The following DOK7 variants were observed in gnomAD, a reference collection of about 807,000 sequenced individuals.
The protein encoded by DOK7 is docking protein 7.
A neutral mutation model predicts 30.7 loss-of-function variants in DOK7; 32 were observed. That is an observed-to-expected ratio of 1.04 (90% CI 0.79 to 1.40). The LOEUF is 1.40. Ranked by LOEUF, DOK7 falls within the 40% of genes most tolerant of loss-of-function variation. The pLI is 0.00. For missense variants in DOK7, 1,007 were observed against 699.2 expected (o/e 1.44, Z -4.97); for synonymous variants, 447 against 324.1 (o/e 1.38, Z -4.07).
chr4:3,498,422 C>T (rs1479533014), downstream of DOK7, among the ~76,000 whole-genome samples: 1 of 152,168 alleles, frequency 6.6e-6, no homozygotes, highest in East Asian at 1.9e-4. Context: ...CCTGCTTCCA[C>T]CCTCACCCCT....
At chr4:3,478,699 C>T (rs12644455) in intron 4 of DOK7, among the ~76,000 whole-genome samples, 37,317 of 152,092 alleles carry the variant, frequency 0.25, 4,880 homozygotes, top group South Asian at 0.38. Context: ...CGGTCACCGA[C>T]GGCTGCACAC....
At chr4:3,491,728 T>C (rs1728476173) in intron 6 of DOK7, among the ~76,000 whole-genome samples, 1 of 152,178 alleles carries the variant, frequency 6.6e-6, no homozygotes, top group Admixed American at 6.5e-5. Flanking sequence ...GACAAAAGGC[T>C]CTAAGGCAGG....
chr4:3,468,044 C>A (rs1182662904), intron 2 of DOK7, among the ~76,000 whole-genome samples: 2 of 152,256 alleles, frequency 1.3e-5, no homozygotes, highest in South Asian at 2.1e-4. Flanking sequence ...GACCCCAGCA[C>A]TGAGTGCATG....
Position 3,463,492 on chromosome 4 carries a change from C to A in DOK7, c.55-14C>A. On this transcript the variant is annotated splice_polypyrimidine_tract_variant and intron_variant, in intron 1 of 6. Transcript: ENST00000340083. Reference sequence around the variant, plus strand: ...GGCGCGGGCGGCGGCTCACGCTCCCCCCTGTCCCCGCAGTGGAAGAGTAGG... The same window carrying A: ...GGCGCGGGCGGCGGCTCACGCTCCCACCTGTCCCCGCAGTGGAAGAGTAGG... 6.6e-7 allele frequency: 1 copy of A among 1,511,450 alleles called. No individual in the cohort carries two copies. The highest frequency in any genetic ancestry group is 8.8e-7 in the Non-Finnish European group (1 of 1,134,754). The allele number at this position is 1,511,450 out of a possible 1,614,324, so 93.6% of individuals were successfully genotyped here.
chr4:3,476,336 C>G lies in DOK7; in HGVS notation c.332-6C>G, dbSNP rs1482072459. On this transcript the variant is annotated splice_region_variant and splice_polypyrimidine_tract_variant and intron_variant, in intron 3 of 6. Coordinates refer to ENST00000340083, the MANE Select transcript of DOK7 (RefSeq NM_173660.5). ...CGTGATGCCCTCTTGCCCCGCCTGCCCGCAGTGCATAGGTTCCATGTGACA... is the reference window on the plus strand; with the variant it reads ...CGTGATGCCCTCTTGCCCCGCCTGCGCGCAGTGCATAGGTTCCATGTGACA... The G allele has an allele frequency of 2.0e-5, 32 of 1,610,598 alleles. 1 individual carries two copies. The highest frequency in any genetic ancestry group is 2.7e-5 in the African/African-American group (2 of 74,348).
At chr4:3,494,497 T>G, downstream of DOK7, 5 of 985,534 alleles carry the variant, frequency 5.1e-6, no homozygotes, top group Non-Finnish European at 6.0e-6. Flanking sequence ...CTTGTCCTAG[T>G]CCGTTGCCCA....
intron 6 of DOK7, among the ~76,000 whole-genome samples, chr4:3,492,407 C>A (rs887204374): frequency 8.3e-6 from 1 of 119,994 alleles, no homozygotes; most frequent in Admixed American, 9.6e-5. Context: ...GGAAGGTAGT[C>A]GGGATGGCTG....
intron 6 of DOK7, among the ~76,000 whole-genome samples, chr4:3,490,037 CT>C (rs1488803674): frequency 5.9e-4 from 86 of 145,626 alleles, no homozygotes; most frequent in African/African-American, 1.7e-3. Context: ...TTCCTTCCTT[CT>C]TCCTCCTACT....
chr4:3,498,561 T>C (rs1451766364), downstream of DOK7, among the ~76,000 whole-genome samples: 1 of 152,092 alleles, frequency 6.6e-6, no homozygotes, highest in East Asian at 1.9e-4. Context: ...CAAGGCCCCC[T>C]TTCCAGACGC....
intron 6 of DOK7, among the ~76,000 whole-genome samples, chr4:3,490,111 C>CATTCATTCCTTTCTTCTCCCCCTT (rs1553848872): frequency 4.2e-5 from 1 of 23,778 alleles, no homozygotes; most frequent in African/African-American, 2.4e-4. Context: ...TCTTCACCCC[C>CATTCATTCCTTTCTTCTCCCCCTT]ATTCATTCCT....
chr4:3,496,582 G>C (rs1230127088), downstream of DOK7, among the ~76,000 whole-genome samples: 3 of 152,202 alleles, frequency 2.0e-5, no homozygotes, highest in Admixed American at 1.3e-4. Context: ...GGTGGTTATG[G>C]GGGCTACCAC....
Position 3,463,400 on chromosome 4 carries a change from G to A in DOK7, c.25G>A (p.Gly9Ser). The A allele has an allele frequency of 6.7e-7, 1 of 1,493,904 alleles. No homozygotes were observed. Among genetic ancestry groups the A allele is most frequent in the South Asian group, 1.3e-5 (1 of 76,720 alleles). The allele number at this position is 1,493,904 out of a possible 1,614,324, so 92.5% of individuals were successfully genotyped here. MTEAALVE[G>S]QVKLRDGKKW... Reference sequence around the variant, plus strand: ...GATGACCGAGGCGGCGCTGGTGGAGGGCCAGGTCAAGCTGCGGGACGGCAA... The same window carrying A: ...GATGACCGAGGCGGCGCTGGTGGAGAGCCAGGTCAAGCTGCGGGACGGCAA... Residue 9 changes from glycine to serine, a missense_variant, in exon 1 of 7, where the codon GGC (glycine) becomes AGC (serine). Transcript: ENST00000340083.
Position 3,494,025 on chromosome 4 carries a change from C to G in DOK7, c.*524C>G, listed in dbSNP as rs1383537658. The G allele has an allele frequency of 4.0e-6, 4 of 989,788 alleles. No homozygotes were observed. Among genetic ancestry groups the G allele is most frequent in the Non-Finnish European group, 4.8e-6 (4 of 833,172 alleles). The allele number at this position is 989,788 out of a possible 1,614,324, so 61.3% of individuals were successfully genotyped here. A position where few individuals can be genotyped will look rare whatever the true frequency, so the allele number is the denominator to read the frequency against. ...GGGCTCCGTGTGCGCTGGGCCTCATCCCCATCTATGGGAGGAAACTGAAGC... is the reference window on the plus strand; with the variant it reads ...GGGCTCCGTGTGCGCTGGGCCTCATGCCCATCTATGGGAGGAAACTGAAGC... On this transcript the variant is annotated 3_prime_UTR_variant, in exon 7 of 7. Transcript: ENST00000340083.
chr4:3,491,191 G>T (rs1383974007), intron 6 of DOK7, among the ~76,000 whole-genome samples: 1 of 7,198 alleles, frequency 1.4e-4, no homozygotes, highest in Non-Finnish European at 2.9e-4. Flanking sequence ...CTTCCCCCCT[G>T]CTCATTCCTT....
chr4:3,478,591 C>CCTCCA, intron 4 of DOK7, among the ~76,000 whole-genome samples: 1 of 107,210 alleles, frequency 9.3e-6, no homozygotes, highest in East Asian at 2.2e-4. Flanking sequence ...AACCCGCAAA[C>CCTCCA]GGGGGCTGGC....
chr4:3,490,753 TGCTCATTCCTTCTTTCCTTCTCCCCCG>T (rs1287580716), intron 6 of DOK7, among the ~76,000 whole-genome samples: 1 of 108,538 alleles, frequency 9.2e-6, no homozygotes. Flanking sequence ...TTCTTCCTCC[TGCTCATTCCTTCTTTCCTTCTCCCCCG>T]GCTCATTCAT....
intron 6 of DOK7, among the ~76,000 whole-genome samples, chr4:3,490,797 C>CT: frequency 1.6e-5 from 1 of 64,050 alleles, no homozygotes; most frequent in African/African-American, 7.2e-5. Context: ...TCATTCCTTC[C>CT]TCTGCCCCCC....
At chr4:3,492,241 G>T (rs746991117) in intron 6 of DOK7, among the ~76,000 whole-genome samples, 2 of 151,918 alleles carry the variant, frequency 1.3e-5, no homozygotes, top group Non-Finnish European at 2.9e-5. Context: ...AGGCAAGGAC[G>T]CCAGCATGGT....
chr4:3,491,382 G>GTTCTTTCCTTCCTTCTCCCCCTGCTCA (rs1560229370), intron 6 of DOK7, among the ~76,000 whole-genome samples: 1 of 94,184 alleles, frequency 1.1e-5, no homozygotes, highest in Admixed American at 1.3e-4. Context: ...CCCCCTGCTC[G>GTTCTTTCCTTCCTTCTCCCCCTGCTCA]TTCATTCCTT....
Sources: allele counts gnomAD v4.1 joint callset (sites outside exome capture counted in the v4.1 genomes callset), GRCh38; gene constraint gnomAD v4.1.1; transcripts MANE v1.5; gene names NCBI Gene and HGNC (gene_info 2026-07-23, HGNC 2026-07-21).